CHST9: variants seen among roughly 807,000 people sequenced by gnomAD.
CHST9 encodes the protein GalNAc-4-sulfotransferase 2.
In CHST9, 41 loss-of-function variants were observed where a neutral mutation model predicts 44.4. The ratio of observed to expected loss-of-function variants is 0.92; its 90% CI spans 0.72 to 1.20. The LOEUF is 1.20. Among genes scored for constraint, CHST9 ranks in the 50% most tolerant of loss-of-function variants. CHST9 has a pLI of 0.00. For synonymous variants in CHST9, 171 were observed against 178.4 expected, an observed-to-expected ratio of 0.96 and a Z score of 0.33; for missense variants, 504 against 516.5, an observed-to-expected ratio of 0.98 and a Z score of 0.23.
At position 27,139,103 on chromosome 18, in the gene CHST9, T is replaced by C. The variant is rs532895414; in HGVS notation, c.121+3586A>G. On this transcript the variant is annotated intron_variant, in intron 2 of 5. Coordinates refer to ENST00000618847, the MANE Select transcript of CHST9 (RefSeq NM_031422.6). ...TCCTTTACCAGTATATCAGAGCATA[T>C]TTCAGATTTTTTGGATTCTAAAGTA... Among the ~76,000 whole-genome samples the C allele has an allele frequency of 2.0e-5, 3 of 152,274 alleles. No homozygotes were observed. In the South Asian group the frequency reaches 6.2e-4, roughly 32 times the overall value.
At chr18:26,920,603 T>C (rs1466649784) in intron 5 of CHST9, among the ~76,000 whole-genome samples, 1 of 152,214 alleles carries the variant, frequency 6.6e-6, no homozygotes, top group Non-Finnish European at 1.5e-5. Flanking sequence ...GCATAGAAGA[T>C]GTTAAGGAAA....
rs771502968 is a variant in CHST9, at chr18:26,944,343, G to A, written c.226C>T (p.His76Tyr). The change falls in exon 5 of 6, where the codon CAT becomes TAT. Residue 76 changes from histidine to tyrosine, a missense_variant. Transcript: ENST00000618847. ...TGAGAGAATACCTGGTTGGTGATAT[G>A]TTCCTGGATTTTTTCTGTACTCACT... ...RIMSTEKIQE[H>Y]ITNQNPKFHM... 8.7e-6 allele frequency: 14 copies of A among 1,608,700 alleles called. No individual in the cohort carries two copies. The South Asian group carries it at 1.5e-4, about 18-fold the overall frequency.
At chr18:27,019,198 C>A (rs2057190819) in intron 4 of CHST9, among the ~76,000 whole-genome samples, 1 of 152,146 alleles carries the variant, frequency 6.6e-6, no homozygotes, top group South Asian at 2.1e-4. Flanking sequence ...GGAGAACATG[C>A]CTACCAAATG....
chr18:27,090,179 C>T (rs2058054565), intron 2 of CHST9, among the ~76,000 whole-genome samples: 1 of 152,138 alleles, frequency 6.6e-6, no homozygotes, highest in African/African-American at 2.4e-5. Flanking sequence ...TTTTGATTTG[C>T]ATTTCTCTGA....
At chr18:27,054,887 A>C (rs1457760164) in intron 2 of CHST9, among the ~76,000 whole-genome samples, 1 of 152,154 alleles carries the variant, frequency 6.6e-6, no homozygotes, top group African/African-American at 2.4e-5. Flanking sequence ...GTAGGTATAT[A>C]TATATGTACA....
At chr18:26,934,180 G>C (rs1445415922) in intron 5 of CHST9, 2 of 152,380 alleles carry the variant, frequency 1.3e-5, no homozygotes, top group East Asian at 3.9e-4. Flanking sequence ...CAGGGGTGCA[G>C]TATAAGCCAT....
At chr18:26,969,376 C>CTCTGTGTGTGTG (rs1555672857) in intron 4 of CHST9, among the ~76,000 whole-genome samples, 9 of 95,588 alleles carry the variant, frequency 9.4e-5, no homozygotes, top group African/African-American at 2.0e-4. Flanking sequence ...CTCTCTCTCT[C>CTCTGTGTGTGTG]TGTGTGTGTG....
intron 2 of CHST9, among the ~76,000 whole-genome samples, chr18:27,100,056 C>T (rs1598724244): frequency 6.6e-6 from 1 of 151,618 alleles, no homozygotes; most frequent in African/African-American, 2.4e-5. Context: ...TATATATACA[C>T]ATATGGAGTA....
intron 2 of CHST9, among the ~76,000 whole-genome samples, chr18:27,053,154 A>AGAAGAG (rs2057593614): frequency 4.1e-5 from 6 of 145,038 alleles, no homozygotes; most frequent in Non-Finnish European, 7.5e-5. Context: ...AAGAAGAAGA[A>AGAAGAG]GAAGAAGAAG....
At chr18:26,935,533 T>G (rs1179297022) in intron 5 of CHST9, 1 of 152,244 alleles carries the variant, frequency 6.6e-6, no homozygotes, top group East Asian at 1.9e-4. Context: ...ATCAATCCAC[T>G]GCTTTAGAAA....
At chr18:27,181,383 A>T (rs563228830) in intron 1 of CHST9, among the ~76,000 whole-genome samples, 2 of 152,324 alleles carry the variant, frequency 1.3e-5, no homozygotes, top group African/African-American at 4.8e-5. Flanking sequence ...CTGAACTTCA[A>T]CTATTTTATC....
chr18:27,157,838 T>A (rs1367617205), intron 1 of CHST9, among the ~76,000 whole-genome samples: 1 of 151,960 alleles, frequency 6.6e-6, no homozygotes, highest in Non-Finnish European at 1.5e-5. Flanking sequence ...CATTGTAAAA[T>A]TTTAAGGATA....
intron 2 of CHST9, among the ~76,000 whole-genome samples, chr18:27,095,656 C>T (rs2058109565): frequency 1.3e-5 from 2 of 152,058 alleles, no homozygotes; most frequent in Non-Finnish European, 2.9e-5. Context: ...TTAGATAAAA[C>T]AGATTTTAAA....
intron 4 of CHST9, among the ~76,000 whole-genome samples, chr18:26,961,392 G>A (rs981537369): frequency 6.6e-6 from 1 of 152,082 alleles, no homozygotes; most frequent in Non-Finnish European, 1.5e-5. Flanking sequence ...GGTGGGAAAG[G>A]AGTAAGAGTT....
chr18:27,010,790 T>C (rs1435975680), intron 4 of CHST9, among the ~76,000 whole-genome samples: 2 of 152,148 alleles, frequency 1.3e-5, no homozygotes, highest in African/African-American at 4.8e-5. Flanking sequence ...TGATTGGGAA[T>C]TTCCTGATCG....
At position 27,137,168 on chromosome 18, in the gene CHST9, A is replaced by T. The variant is rs531033020; in HGVS notation, c.121+5521T>A. 2.0e-4 allele frequency among the ~76,000 whole-genome samples: 31 copies of T among 151,966 alleles called. 1 individual carries two copies. In the East Asian group the frequency reaches 5.8e-3, roughly 28 times the overall value. ...GATTGTGATAATTTTTCTGAAGAAA[A>T]TGAATAAGAAGGAGAGATTGATTTA... is the stretch of plus-strand genomic sequence containing the variant. On this transcript the variant is annotated intron_variant, in intron 2 of 5. Transcript: ENST00000618847.
At chr18:27,059,966 G>A (rs1328984542) in intron 2 of CHST9, among the ~76,000 whole-genome samples, 1 of 152,162 alleles carries the variant, frequency 6.6e-6, no homozygotes, top group Non-Finnish European at 1.5e-5. Context: ...GCCTTTACAG[G>A]CTACTTTGTA....
intron 1 of CHST9, among the ~76,000 whole-genome samples, chr18:27,165,092 T>G (rs1296174474): frequency 6.6e-6 from 1 of 152,116 alleles, no homozygotes; most frequent in Non-Finnish European, 1.5e-5. Context: ...GTGTAACAGG[T>G]GTAGAGAGCA....
At chr18:27,025,544 C>T (rs1324318380) in intron 3 of CHST9, among the ~76,000 whole-genome samples, 2 of 152,130 alleles carry the variant, frequency 1.3e-5, no homozygotes, top group Non-Finnish European at 2.9e-5. Context: ...TGATTTAAAG[C>T]ATATATCCAA....
Sources: gnomAD v4.1 joint callset for allele counts (sites outside exome capture counted in the v4.1 genomes callset) on GRCh38, gnomAD v4.1.1 for gene constraint, MANE v1.5 for transcripts, NCBI Gene and HGNC (gene_info 2026-07-23, HGNC 2026-07-21) for gene names.